The following DACH2 variants were observed in gnomAD, a reference collection of about 807,000 sequenced individuals.
DACH2 encodes the protein dachshund family transcription factor 2, also known as dachshund homolog 2.
DACH2 carries 17 observed loss-of-function variants against 35.8 expected under a neutral mutation model. The observed-to-expected ratio is 0.48, with a 90% CI of 0.33 to 0.71. The LOEUF is 0.71. Ranked by LOEUF, DACH2 falls within the 30% of genes least tolerant of loss-of-function variation. The pLI is 0.02. For missense variants in DACH2, 469 were observed against 472.7 expected (o/e 0.99, Z 0.07); for synonymous variants, 195 against 177.3 (o/e 1.10, Z -0.79).
At chrX:86,295,621 A>T (rs1319012172) in intron 1 of DACH2, among the ~76,000 whole-genome samples, 2 of 110,916 alleles carry the variant, frequency 1.8e-5, no homozygotes, top group Non-Finnish European at 3.8e-5. Flanking sequence ...TTCCCCTCTG[A>T]CTAGGGCTGG....
intron 7 of DACH2, among the ~76,000 whole-genome samples, chrX:86,806,367 G>A (rs2042345062): frequency 9.0e-6 from 1 of 110,742 alleles, no homozygotes; most frequent in South Asian, 3.9e-4. Context: ...TCACTGTCTT[G>A]AGAACTCCAC....
chrX:86,401,804 G>A (rs1429383151), intron 2 of DACH2, among the ~76,000 whole-genome samples: 1 of 109,776 alleles, frequency 9.1e-6, no homozygotes, highest in East Asian at 2.8e-4. Context: ...CTAGTAAATT[G>A]AATTTGGCAG....
intron 1 of DACH2, among the ~76,000 whole-genome samples, chrX:86,254,805 T>TAGAGAGAGAGAGAGAG (rs1265976523): frequency 4.9e-5 from 3 of 60,777 alleles, no homozygotes; most frequent in African/African-American, 2.7e-4. Context: ...TATATATATA[T>TAGAGAGAGAGAGAGAG]ATAGAGAGAG....
chrX:86,181,735 G>A (rs1295130858), intron 1 of DACH2, among the ~76,000 whole-genome samples: 2 of 111,271 alleles, frequency 1.8e-5, no homozygotes, highest in Admixed American at 9.5e-5. Flanking sequence ...GGTATTTCTG[G>A]TTCTAGATTC....
At chrX:86,489,708 G>T (rs770389660) in intron 2 of DACH2, among the ~76,000 whole-genome samples, 1 of 111,148 alleles carries the variant, frequency 9.0e-6, no homozygotes, top group African/African-American at 3.3e-5. Context: ...AGTCTAAACC[G>T]CGTTCACTGT....
chrX:86,615,082 C>T (rs1296370375), intron 3 of DACH2, among the ~76,000 whole-genome samples: 1 of 111,659 alleles, frequency 9.0e-6, no homozygotes, highest in Non-Finnish European at 1.9e-5. Context: ...TTGTCACCCA[C>T]TCTTATTAGT....
intron 3 of DACH2, among the ~76,000 whole-genome samples, chrX:86,552,877 A>G (rs779313653): frequency 5.1e-4 from 57 of 111,320 alleles, no homozygotes; most frequent in Admixed American, 7.7e-4. Flanking sequence ...ATTGTTATTT[A>G]TGTAGTACAT....
chrX:86,669,045 G>A (rs1054208513), intron 4 of DACH2, among the ~76,000 whole-genome samples: 2 of 111,366 alleles, frequency 1.8e-5, no homozygotes, highest in Non-Finnish European at 3.8e-5. Flanking sequence ...CAGCTATTCC[G>A]TATGTTATGT....
chrX:86,222,907 T>C (rs772940744), intron 1 of DACH2, among the ~76,000 whole-genome samples: 1 of 110,530 alleles, frequency 9.0e-6, no homozygotes, highest in Non-Finnish European at 1.9e-5. Context: ...AGGGCCAAAG[T>C]TGAAAATGAC....
chrX:86,707,907 C>A, intron 5 of DACH2, among the ~76,000 whole-genome samples: 1 of 9,293 alleles, frequency 1.1e-4, no homozygotes, highest in Non-Finnish European at 2.0e-4. Flanking sequence ...GAGTAAGACT[C>A]CATCTAAAAA....
chrX:86,148,680 G>C lies in DACH2; in HGVS notation c.60G>C (p.Gly20=). The C allele has an allele frequency of 2.5e-6, 3 of 1,205,580 alleles. No individual in the cohort carries two copies. Among genetic ancestry groups the C allele is most frequent in the Non-Finnish European group, 3.4e-6 (3 of 892,365 alleles). ...CTTCCAGCGGCGCCGGCGTCCCGGGGGGCTTATTCCGGGCCGAACCCCTGT... is the reference window on the plus strand; with the variant it reads ...CTTCCAGCGGCGCCGGCGTCCCGGGCGGCTTATTCCGGGCCGAACCCCTGT... ...SATSSGAGVP[G]GLFRAEPLYS... Residue 20 remains glycine (G), a synonymous_variant, in exon 1 of 12, where the codon GGG becomes GGC. Coordinates refer to ENST00000373125, the MANE Select transcript of DACH2 (RefSeq NM_053281.3).
chrX:86,793,755 T>C (rs1471487682), intron 7 of DACH2, among the ~76,000 whole-genome samples: 1 of 112,230 alleles, frequency 8.9e-6, no homozygotes, highest in East Asian at 2.8e-4. Flanking sequence ...ATTGAGCATA[T>C]AACATGTCAT....
chrX:86,475,488 T>G (rs914288056), intron 2 of DACH2, among the ~76,000 whole-genome samples: 1 of 112,150 alleles, frequency 8.9e-6, no homozygotes, highest in African/African-American at 3.2e-5. Context: ...TTTCAGATTG[T>G]TCACTGTTGG....
At position 86,213,665 on chromosome X, in the gene DACH2, T is replaced by C. The variant is rs765552327; in HGVS notation, c.488+64557T>C. 1.8e-4 allele frequency among the ~76,000 whole-genome samples: 20 copies of C among 110,979 alleles called. No homozygotes were observed. The South Asian group carries it at 2.6e-3, about 15-fold the overall frequency. On this transcript the variant is annotated intron_variant, in intron 1 of 11. Transcript: ENST00000373125. ...GCCCATGCCTAAGGAATAATAAAAT[T>C]CTGTTCTTGGCTCTCTGTTCTTATA...
At chrX:86,794,836 C>G (rs1371967019) in intron 7 of DACH2, among the ~76,000 whole-genome samples, 2 of 111,312 alleles carry the variant, frequency 1.8e-5, no homozygotes, top group Admixed American at 9.5e-5. Context: ...TAAAATATGC[C>G]AACTGTCAGA....
intron 2 of DACH2, among the ~76,000 whole-genome samples, chrX:86,485,676 C>T (rs990224534): frequency 5.4e-5 from 6 of 110,764 alleles, no homozygotes; most frequent in African/African-American, 2.0e-4. Flanking sequence ...ATCTTCCAAC[C>T]GATTTATAGT....
At chrX:86,651,402 T>C (rs2040476855) in intron 4 of DACH2, among the ~76,000 whole-genome samples, 1 of 112,220 alleles carries the variant, frequency 8.9e-6, no homozygotes, top group African/African-American at 3.2e-5. Context: ...TGTGGTAGAA[T>C]TGTATTATAA....
intron 3 of DACH2, among the ~76,000 whole-genome samples, chrX:86,535,238 A>G (rs1298884157): frequency 8.9e-6 from 1 of 111,940 alleles, no homozygotes; most frequent in Non-Finnish European, 1.9e-5. Flanking sequence ...GAAAATGAGA[A>G]TTCAAAATTG....
chrX:86,201,150 G>C (rs1187333218), intron 1 of DACH2, among the ~76,000 whole-genome samples: 1 of 110,807 alleles, frequency 9.0e-6, no homozygotes, highest in Admixed American at 9.7e-5. Flanking sequence ...CATGGCTGGA[G>C]CTGGAGGCCA....
Sources: gnomAD v4.1 joint callset for allele counts (sites outside exome capture counted in the v4.1 genomes callset) on GRCh38, gnomAD v4.1.1 for gene constraint, MANE v1.5 for transcripts, NCBI Gene and HGNC (gene_info 2026-07-23, HGNC 2026-07-21) for gene names.